ATAD2: variants seen among roughly 807,000 people sequenced by gnomAD.
The protein encoded by ATAD2 is ATPase family AAA domain-containing protein 2.
Under a neutral mutation model 168.9 loss-of-function variants are expected in ATAD2, and 62 were observed. The ratio of observed to expected loss-of-function variants is 0.37; its 90% CI spans 0.30 to 0.45. The LOEUF (loss-of-function observed/expected upper bound fraction) is 0.45, where lower values mean the gene tolerates loss of function less well. ATAD2 is among the 20% of genes least tolerant of loss of function. The pLI, the probability that ATAD2 is intolerant of heterozygous loss-of-function variation, is 1.00. For missense variants in ATAD2, 1,419 were observed against 1,667.8 expected (o/e 0.85, Z 2.60); for synonymous variants, 613 against 571.6 (o/e 1.07, Z -1.03).
At chr8:123,377,110 A>AAAAAAAAAAAAAAAAAAAAAAAAAAAAC (rs1829341555) in intron 2 of ATAD2, among the ~76,000 whole-genome samples, 1 of 147,260 alleles carries the variant, frequency 6.8e-6, no homozygotes, top group African/African-American at 2.5e-5. Flanking sequence ...AAAAAAAAAA[A>AAAAAAAAAAAAAAAAAAAAAAAAAAAAC]AAGAGCCAGG....
chr8:123,361,273 C>T (rs1014662938), intron 9 of ATAD2, among the ~76,000 whole-genome samples: 5 of 150,264 alleles, frequency 3.3e-5, no homozygotes, highest in African/African-American at 4.9e-5. Context: ...GCCAAGATCA[C>T]GCCACTGTAC....
upstream of ATAD2, among the ~76,000 whole-genome samples, chr8:123,398,140 T>G (rs1012940408): frequency 3.9e-5 from 6 of 152,048 alleles, no homozygotes; most frequent in Admixed American, 2.0e-4. Context: ...ATGCAATGTC[T>G]GGGGACATAT....
intron 1 of ATAD2, 43 bp from the exon 2 acceptor site, chr8:123,380,720 A>G (rs1368448764): frequency 5.7e-6 from 9 of 1,574,602 alleles, no homozygotes; most frequent in Non-Finnish European, 7.8e-6. Context: ...TTTCTTTACA[A>G]AACTCCAATT....
intron 1 of ATAD2, among the ~76,000 whole-genome samples, chr8:123,404,644 G>GCAACC (rs1336852682): frequency 2.0e-5 from 3 of 150,392 alleles, no homozygotes; most frequent in Non-Finnish European, 4.4e-5. Flanking sequence ...TTGGCTCACT[G>GCAACC]CAACCTCTGC....
rs1373843088 is a variant in ATAD2 at position 123,346,637 on chromosome 8, T to A, written c.2326A>T (p.Asn776Tyr). ...ATATACCTATTCAAATGAAGAAAAT[T>A]AAAATTGTCTTTTGCCTTATGAGAA... is the stretch of plus-strand genomic sequence containing the variant. ...KSSHKAKDNF[N>Y]FLHLNRNACY... is the part of the protein sequence containing the mutation. The change falls in exon 17 of 28, where the codon AAT becomes TAT. Residue 776 changes from asparagine (N) to tyrosine (Y), a missense_variant. Asn to Tyr is a moderately radical substitution (Grantham distance 143). Around this residue, in one of 5 missense-constraint regions of ATAD2, gnomAD observed 545 missense variants for 724.9 expected, o/e 0.75. Coordinates refer to ENST00000287394, the MANE Select transcript of ATAD2 (RefSeq NM_014109.4). The A allele has an allele frequency of 1.9e-6, 3 of 1,564,474 alleles. No homozygotes were observed. Among genetic ancestry groups the A allele is most frequent in the Non-Finnish European group, 1.7e-6 (2 of 1,156,356 alleles).
intron 24 of ATAD2, among the ~76,000 whole-genome samples, chr8:123,330,642 G>A (rs749123801): frequency 1.2e-4 from 19 of 152,152 alleles, no homozygotes; most frequent in Non-Finnish European, 4.4e-5. Flanking sequence ...GATTACAGGC[G>A]TGAGCCACCG....
In ATAD2 at chr8:123,402,046, C is replaced by A; in HGVS notation, c.-2281-871G>T. The A allele has an allele frequency of 6.6e-7, 1 of 1,507,984 alleles. No homozygotes were observed. The highest frequency in any genetic ancestry group is 1.4e-5 in the African/African-American group (1 of 72,286). The allele number at this position is 1,507,984 out of a possible 1,614,324, so 93.4% of individuals were successfully genotyped here. On this transcript the variant is annotated intron_variant, in intron 1 of 28. Coordinates refer to the ATAD2 transcript ENST00000521903. The surrounding 1 kb of genome is among the most constrained non-coding windows in gnomAD (Gnocchi z 4.8). ...GAGAGCTCAAGTTTGAGAAGCGTAC[C>A]ATGTCGGCCCAGATTGAGGGTGGCG...
In ATAD2 at chr8:123,336,540, T is replaced by C; in HGVS notation, c.3052-8A>G. ...AGTGACATAATCAGGAACCTAAAAT[T>C]CAAGCAAATGATCAAATCACAAAAT... On this transcript the variant is annotated splice_polypyrimidine_tract_variant and splice_region_variant and intron_variant, in intron 21 of 27. Transcript: ENST00000287394. 6.7e-7 allele frequency: 1 copy of C among 1,494,110 alleles called. No homozygotes were observed. The highest frequency in any genetic ancestry group is 2.5e-5 in the East Asian group (1 of 40,440). The allele number at this position is 1,494,110 out of a possible 1,614,324, so 92.6% of individuals were successfully genotyped here. A position where few individuals can be genotyped will look rare whatever the true frequency, so the allele number is the denominator to read the frequency against.
At chr8:123,387,850 A>AT (rs1354044233) in intron 1 of ATAD2, among the ~76,000 whole-genome samples, 3 of 152,158 alleles carry the variant, frequency 2.0e-5, no homozygotes, top group Non-Finnish European at 4.4e-5. Flanking sequence ...CTTTAAATTC[A>AT]TTTTTTAAAA....
At chr8:123,355,833 C>A (rs1338617035) in intron 13 of ATAD2, among the ~76,000 whole-genome samples, 1 of 152,152 alleles carries the variant, frequency 6.6e-6, no homozygotes, top group Non-Finnish European at 1.5e-5. Flanking sequence ...CATCACTGAC[C>A]CGCAGACATT....
chr8:123,359,538 A>G, intron 10 of ATAD2, 39 bp downstream of exon 10: 1 of 1,524,004 alleles, frequency 6.6e-7, no homozygotes, highest in South Asian at 1.2e-5. Context: ...AACAAAGCAC[A>G]TTATAGTTCA....
chr8:123,362,818 G>A (rs1399952642), intron 8 of ATAD2, among the ~76,000 whole-genome samples: 1 of 152,030 alleles, frequency 6.6e-6, no homozygotes, highest in Non-Finnish European at 1.5e-5. Context: ...GAATAAGATG[G>A]CCTTTTATCA....
chr8:123,355,655 T>C (rs1828617669), intron 13 of ATAD2, among the ~76,000 whole-genome samples: 1 of 152,316 alleles, frequency 6.6e-6, no homozygotes, highest in East Asian at 1.9e-4. Context: ...AAATTTAAGA[T>C]ACTTGACAAT....
upstream of ATAD2, chr8:123,400,817 C>T (rs544944806): frequency 1.7e-4 from 189 of 1,102,440 alleles, 3 homozygotes; most frequent in South Asian, 1.6e-3. The surrounding 1 kb of genome is among the most constrained non-coding windows in gnomAD (Gnocchi z 4.5). Flanking sequence ...ATGGCCATCA[C>T]GATGGCTCTG....
At chr8:123,384,319 C>A (rs1829583762) in intron 1 of ATAD2, among the ~76,000 whole-genome samples, 1 of 152,046 alleles carries the variant, frequency 6.6e-6, no homozygotes, top group Non-Finnish European at 1.5e-5. Context: ...TTTATATGAA[C>A]AATACTTACA....
At position 123,357,734 on chromosome 8, in the gene ATAD2, C is replaced by A. The variant is rs1828693766; in HGVS notation, c.1385G>T (p.Gly462Val). Residue 462 changes from glycine (G) to valine (V), a missense_variant and splice_region_variant, in exon 12 of 28, where the codon GGT becomes GTT. Around this residue, in one of 5 missense-constraint regions of ATAD2, gnomAD observed 146 missense variants for 188.3 expected, o/e 0.78. Transcript: ENST00000287394. ...FEKFKIQPPR[G>V]CLFYGPPGTG... is the part of the protein sequence containing the mutation. ...TCCAGGTGGCCCATAAAACAAACAA[C>A]CTCTGTAAAACAATACATTAACATT... The A allele has an allele frequency of 6.2e-7, 1 of 1,603,540 alleles. No homozygotes were observed. The highest frequency in any genetic ancestry group is 1.8e-5 in the Admixed American group (1 of 56,960).
intron 1 of ATAD2, among the ~76,000 whole-genome samples, chr8:123,386,002 C>T (rs1182647406): frequency 6.8e-6 from 1 of 146,894 alleles, no homozygotes; most frequent in African/African-American, 2.5e-5. Context: ...ACTTCACACA[C>T]ATTAGGATGG....
intron 1 of ATAD2, among the ~76,000 whole-genome samples, chr8:123,404,675 T>C (rs1036060023): frequency 2.6e-5 from 4 of 151,980 alleles, no homozygotes; most frequent in Non-Finnish European, 5.9e-5. Flanking sequence ...CAAGTGATTC[T>C]CCTGCCTCAG....
intron 7 of ATAD2, 58 bp downstream of exon 7, chr8:123,369,763 C>A: frequency 1.4e-6 from 2 of 1,380,262 alleles, no homozygotes; most frequent in South Asian, 1.3e-5. Context: ...AGAGAAGAAA[C>A]AGGAAATATA....
Sources: gnomAD v4.1 joint callset for allele counts (sites outside exome capture counted in the v4.1 genomes callset) on GRCh38, gnomAD v4.1.1 for gene constraint, gnomAD v4.1.1 regional missense constraint, Gnocchi (gnomAD v3.1) non-coding constraint, MANE v1.5 for transcripts, NCBI Gene and HGNC (gene_info 2026-07-23, HGNC 2026-07-21) for gene names.